ARHGAP39: variants seen among roughly 807,000 people sequenced by gnomAD.
ARHGAP39 encodes rho GTPase-activating protein 39.
In ARHGAP39, 44 loss-of-function variants were observed where a neutral mutation model predicts 106.9. That is an observed-to-expected ratio of 0.41 (90% CI 0.32 to 0.53). ARHGAP39 has a LOEUF of 0.53. Ranked by LOEUF, ARHGAP39 falls within the 20% of genes least tolerant of loss-of-function variation. ARHGAP39 has a pLI of 0.21. For missense variants in ARHGAP39, 1,496 were observed against 1,577.3 expected (o/e 0.95, Z 0.87); for synonymous variants, 768 against 693.2 (o/e 1.11, Z -1.69).
intron 1 of ARHGAP39, among the ~76,000 whole-genome samples, chr8:144,638,955 G>A (rs1350009017): frequency 6.6e-6 from 1 of 152,194 alleles, no homozygotes; most frequent in Admixed American, 6.5e-5. Context: ...CTTAGCAAAG[G>A]CTTGGGAAAG....
intron 2 of ARHGAP39, among the ~76,000 whole-genome samples, chr8:144,589,796 G>A (rs1328506315): frequency 6.6e-6 from 1 of 152,214 alleles, no homozygotes; most frequent in African/African-American, 2.4e-5. Context: ...CAGCAGCCCT[G>A]GGCACAGCCC....
intron 4 of ARHGAP39, among the ~76,000 whole-genome samples, chr8:144,552,021 G>A (rs1205177271): frequency 1.3e-5 from 2 of 152,134 alleles, no homozygotes; most frequent in Non-Finnish European, 2.9e-5. Context: ...GTAGGGCAGG[G>A]GCACCAGAGC....
At chr8:144,616,862 AT>A (rs1342902818) in intron 1 of ARHGAP39, among the ~76,000 whole-genome samples, 5 of 152,238 alleles carry the variant, frequency 3.3e-5, no homozygotes, top group African/African-American at 1.2e-4. Context: ...TCACTACCAT[AT>A]ATGCCCAATG....
intron 1 of ARHGAP39, among the ~76,000 whole-genome samples, chr8:144,660,252 TCA>T (rs1034922414): frequency 6.6e-6 from 1 of 152,192 alleles, no homozygotes; most frequent in Non-Finnish European, 1.5e-5. Flanking sequence ...GAATGGTCTC[TCA>T]CAAATTCAAG....
chr8:144,685,988 G>T (rs1822581150), upstream of ARHGAP39, among the ~76,000 whole-genome samples: 1 of 151,344 alleles, frequency 6.6e-6, no homozygotes, highest in Admixed American at 6.6e-5. Flanking sequence ...CCGGGAGCCG[G>T]AGTCCCGCGG....
At position 144,591,475 on chromosome 8, in the gene ARHGAP39, C is replaced by T. The variant is rs1180438030; in HGVS notation, c.81-10198G>A. Reference sequence around the variant, plus strand: ...GCTGACCTGACCTAATTCAGGTGAACGGACCCTGAAGAAGGACTTGTTTGC... The same window carrying T: ...GCTGACCTGACCTAATTCAGGTGAATGGACCCTGAAGAAGGACTTGTTTGC... On this transcript the variant is annotated intron_variant, in intron 2 of 11. Coordinates refer to ENST00000377307, the MANE Select transcript of ARHGAP39 (RefSeq NM_025251.3). The surrounding 1 kb of genome is among the most constrained non-coding windows in gnomAD (Gnocchi z 5.3). 6.6e-6 allele frequency among the ~76,000 whole-genome samples: 1 copy of T among 152,144 alleles called. No homozygotes were observed. The highest frequency in any genetic ancestry group is 2.4e-5 in the African/African-American group (1 of 41,428).
intron 1 of ARHGAP39, among the ~76,000 whole-genome samples, chr8:144,656,418 C>T (rs1408352625): frequency 6.6e-6 from 1 of 152,022 alleles, no homozygotes; most frequent in Non-Finnish European, 1.5e-5. Flanking sequence ...TGTAACAATC[C>T]TAAATGCGTA....
intron 3 of ARHGAP39, among the ~76,000 whole-genome samples, chr8:144,575,494 CACAA>C (rs150990617): frequency 0.092 from 13,989 of 151,956 alleles, 1,498 homozygotes; most frequent in African/African-American, 0.26. Context: ...CAAACTACGA[CACAA>C]ACACACACAC....
chr8:144,618,092 T>C lies in ARHGAP39; in HGVS notation c.-81-12397A>G, dbSNP rs149960936. 2.4e-3 allele frequency among the ~76,000 whole-genome samples: 362 copies of C among 152,302 alleles called. 1 individual carries two copies. The highest frequency in any genetic ancestry group is 8.3e-3 in the African/African-American group (347 of 41,564). On this transcript the variant is annotated intron_variant, in intron 1 of 11. Transcript: ENST00000377307. Reference sequence around the variant, plus strand: ...CCACCACGCCTGGCCTAAAATTCTATTTTCAATGGAATAGAATATTTTAAT... The same window carrying C: ...CCACCACGCCTGGCCTAAAATTCTACTTTCAATGGAATAGAATATTTTAAT...
At chr8:144,534,336 C>T in intron 7 of ARHGAP39, 134 bp from the exon 8 acceptor site, 1 of 875,442 alleles carries the variant, frequency 1.1e-6, no homozygotes, top group Non-Finnish European at 1.8e-6. Flanking sequence ...CCCTGCCCAG[C>T]ACAGCGGGTC....
chr8:144,596,244 C>T (rs1819617610), intron 2 of ARHGAP39, among the ~76,000 whole-genome samples: 1 of 151,182 alleles, frequency 6.6e-6, no homozygotes, highest in East Asian at 1.9e-4. Flanking sequence ...CTCTCCACCA[C>T]CCCTCAGTGG....
Position 144,547,318 on chromosome 8 carries a change from C to G in ARHGAP39, c.1768G>C (p.Ala590Pro), listed in dbSNP as rs763838100. ...GGCCCGGGCATGGGCAGTGGCAGGG[C>G]GCCGTCGCTCTCGTAGCCAGAGCCG... is the stretch of plus-strand genomic sequence containing the variant. ...QDGSGYESDG[A>P]LPLPMPGPVV... The change falls in exon 5 of 12, where the codon GCC (alanine) becomes CCC (proline). Residue 590 changes from alanine (A) to proline (P), a missense_variant. Physicochemically the swap from Ala to Pro is conservative, Grantham distance 27. Coordinates refer to ENST00000377307, the MANE Select transcript of ARHGAP39 (RefSeq NM_025251.3). This position sits in a 1 kb window ranked among gnomAD's most constrained non-coding sequence, Gnocchi z 5.2. 6.2e-7 allele frequency: 1 copy of G among 1,609,674 alleles called. No homozygotes were observed. The highest frequency in any genetic ancestry group is 8.5e-7 in the Non-Finnish European group (1 of 1,179,000).
chr8:144,655,322 G>A (rs1821667944), intron 1 of ARHGAP39, among the ~76,000 whole-genome samples: 1 of 152,156 alleles, frequency 6.6e-6, no homozygotes, highest in Non-Finnish European at 1.5e-5. Context: ...ATCAGCCAGA[G>A]CTGAGCAGAA....
chr8:144,618,752 C>T lies in ARHGAP39; in HGVS notation c.-81-13057G>A, dbSNP rs6982906. 8.0e-3 allele frequency among the ~76,000 whole-genome samples: 1,215 copies of T among 152,362 alleles called. 20 individuals are homozygous for T. The highest frequency in any genetic ancestry group is 0.027 in the African/African-American group (1,132 of 41,594). ...TGGTACCCGGTTCTCGCATGGGAGG[C>T]GCAGTGCTGGGCTTCCTGGGAGCAA... On this transcript the variant is annotated intron_variant, in intron 1 of 11. Transcript: ENST00000377307.
chr8:144,690,582 A>G (rs189524821), upstream of ARHGAP39, among the ~76,000 whole-genome samples: 15 of 151,576 alleles, frequency 9.9e-5, no homozygotes, highest in East Asian at 7.7e-4. Flanking sequence ...ACAACTTTTC[A>G]TGTACTTATT....
At chr8:144,631,669 G>A (rs1046464105) in intron 1 of ARHGAP39, among the ~76,000 whole-genome samples, 1 of 152,198 alleles carries the variant, frequency 6.6e-6, no homozygotes, top group Admixed American at 6.5e-5. Context: ...CGGGGTCCCT[G>A]GTGTAAGCAC....
intron 8 of ARHGAP39, among the ~76,000 whole-genome samples, chr8:144,533,759 G>C (rs1816828873): frequency 1.3e-5 from 2 of 152,346 alleles, no homozygotes; most frequent in Admixed American, 1.3e-4. Flanking sequence ...TCTGTGGCAG[G>C]GCTGAGAGCG....
chr8:144,562,982 C>A (rs1818258065), intron 3 of ARHGAP39, among the ~76,000 whole-genome samples: 1 of 152,208 alleles, frequency 6.6e-6, no homozygotes, highest in Non-Finnish European at 1.5e-5. Flanking sequence ...TTGAAGTGAC[C>A]AAAGAATTAG....
chr8:144,672,318 C>T (rs1326746438), intron 1 of ARHGAP39, among the ~76,000 whole-genome samples: 1 of 152,092 alleles, frequency 6.6e-6, no homozygotes, highest in African/African-American at 2.4e-5. Flanking sequence ...CCAGGGAATG[C>T]TTGAAGGGAC....
Sources: allele counts gnomAD v4.1 joint callset (sites outside exome capture counted in the v4.1 genomes callset), GRCh38; gene constraint gnomAD v4.1.1; non-coding constraint Gnocchi (gnomAD v3.1); transcripts MANE v1.5; gene names NCBI Gene and HGNC (gene_info 2026-07-23, HGNC 2026-07-21).